The following SIRT5 variants were observed in gnomAD, a reference collection of about 807,000 sequenced individuals.
The protein encoded by SIRT5 is NAD-dependent protein deacylase sirtuin-5, mitochondrial.
Under a neutral mutation model 40.0 loss-of-function variants are expected in SIRT5, and 26 were observed. The observed-to-expected ratio is 0.65, with a 90% CI of 0.48 to 0.90. The LOEUF (loss-of-function observed/expected upper bound fraction) is 0.90. Among genes scored for constraint, SIRT5 ranks in the 40% least tolerant of loss-of-function variants. The pLI is 0.00. For synonymous variants in SIRT5, 146 were observed against 149.1 expected (o/e 0.98, Z 0.15); for missense variants, 401 against 402.4 (o/e 1.00, Z 0.03).
intron 3 of SIRT5, chr6:13,585,097 C>A (rs1258219778): frequency 6.6e-6 from 1 of 152,260 alleles, no homozygotes; most frequent in Admixed American, 6.5e-5. Flanking sequence ...CAAAAACAAG[C>A]AGCCTATCTC....
chr6:13,591,754 A>C lies in SIRT5; in HGVS notation c.335A>C (p.Lys112Thr), dbSNP rs375984507. ...TACCGGCGGGAGGTCATGGGGAGCA[A>C]GGAGCCCAACGCCGGGCACCGCGCC... ...YHYRREVMGS[K>T]EPNAGHRAIA... The change falls in exon 5 of 10, where the codon AAG becomes ACG. Residue 112 changes from lysine (K) to threonine (T), a missense_variant. Physicochemically the swap from Lys to Thr is moderately conservative, Grantham distance 78. Coordinates refer to ENST00000606117, the MANE Select transcript of SIRT5 (RefSeq NM_012241.5). 1 of 1,613,280 alleles carries C rather than the reference A, an allele frequency of 6.2e-7. No homozygotes were observed. Among genetic ancestry groups the C allele is most frequent in the Non-Finnish European group, 8.5e-7 (1 of 1,179,524 alleles).
intron 2 of SIRT5, among the ~76,000 whole-genome samples, chr6:13,580,419 G>A (rs746114648): frequency 6.6e-6 from 1 of 151,958 alleles, no homozygotes; most frequent in East Asian, 1.9e-4. Flanking sequence ...GTAATTTTAC[G>A]TTGCTCTAAA....
intron 2 of SIRT5, among the ~76,000 whole-genome samples, chr6:13,579,913 C>T (rs1759111673): frequency 6.6e-6 from 1 of 152,214 alleles, no homozygotes. Flanking sequence ...ACTGAGTTTT[C>T]CAGGTAAATT....
At chr6:13,582,236 T>C (rs1759441182) in intron 2 of SIRT5, among the ~76,000 whole-genome samples, 1 of 152,222 alleles carries the variant, frequency 6.6e-6, no homozygotes, top group Non-Finnish European at 1.5e-5. Context: ...TTTCCCACCC[T>C]ATACTCAATT....
At chr6:13,597,074 A>G in intron 7 of SIRT5, 58 bp downstream of exon 7, 1 of 1,323,662 alleles carries the variant, frequency 7.6e-7, no homozygotes, top group Non-Finnish European at 1.1e-6. Context: ...AAAAAAAAAA[A>G]CAGACATCAA....
chr6:13,579,788 G>A (rs968339662), intron 2 of SIRT5, among the ~76,000 whole-genome samples, 179 bp downstream of exon 2: 6 of 152,066 alleles, frequency 3.9e-5, no homozygotes, highest in African/African-American at 1.4e-4. Context: ...ATTGAAGCTG[G>A]GTGATAAGAA....
chr6:13,580,271 G>A (rs1041653575), intron 2 of SIRT5, among the ~76,000 whole-genome samples: 2 of 152,106 alleles, frequency 1.3e-5, no homozygotes, highest in African/African-American at 2.4e-5. Context: ...GAAGAGACAG[G>A]ATACATTGAA....
chr6:13,586,104 T>C (rs924467548), intron 3 of SIRT5, among the ~76,000 whole-genome samples: 8 of 152,222 alleles, frequency 5.3e-5, no homozygotes, highest in African/African-American at 1.9e-4. Flanking sequence ...GTGTTTTTCT[T>C]GTAAATTTGT....
intron 9 of SIRT5, chr6:13,605,542 G>T: frequency 2.0e-6 from 2 of 985,414 alleles, no homozygotes; most frequent in Non-Finnish European, 2.4e-6. Context: ...TACACAAGTT[G>T]TTCAGATTCT....
intron 6 of SIRT5, among the ~76,000 whole-genome samples, chr6:13,596,447 C>T (rs1194316613): frequency 6.6e-6 from 1 of 152,014 alleles, no homozygotes; most frequent in Non-Finnish European, 1.5e-5. Flanking sequence ...CACTCCAGCC[C>T]TCCCCACACA....
In SIRT5 at chr6:13,614,409, G is replaced by T. The variant is rs915883476; in HGVS notation, c.*2544G>T. On this transcript the variant is annotated 3_prime_UTR_variant, in exon 10 of 10. Transcript: ENST00000606117. ...GCTGCGGCAGTAGAGGGAAGAGCAC[G>T]GTCGGTACAAATGCATGGCAGGTGT... 7.9e-5 allele frequency: 12 copies of T among 152,232 alleles called. No homozygotes were observed. The highest frequency in any genetic ancestry group is 2.1e-4 in the South Asian group (1 of 4,836). 9.4% of individuals were successfully genotyped at this position (152,232 alleles called of 1,614,324 possible). A position where few individuals can be genotyped will look rare whatever the true frequency, so the allele number is the denominator to read the frequency against.
At chr6:13,600,101 C>T (rs1416629362) in intron 8 of SIRT5, among the ~76,000 whole-genome samples, 1 of 152,206 alleles carries the variant, frequency 6.6e-6, no homozygotes, top group African/African-American at 2.4e-5. Flanking sequence ...AGATAGAAAT[C>T]TTAGCATGCT....
intron 9 of SIRT5, among the ~76,000 whole-genome samples, chr6:13,608,904 C>T (rs1448491807): frequency 3.3e-5 from 5 of 151,598 alleles, no homozygotes; most frequent in Non-Finnish European, 5.9e-5. Context: ...TCACTGCAAC[C>T]TCTGCCTCCC....
intron 9 of SIRT5, among the ~76,000 whole-genome samples, chr6:13,601,601 A>C (rs543556801): frequency 6.6e-6 from 1 of 152,256 alleles, no homozygotes; most frequent in Admixed American, 6.5e-5. Flanking sequence ...TAAGTAGTAA[A>C]TTAATATAAA....
At chr6:13,591,640 C>T in intron 4 of SIRT5, 29 bp from the exon 5 acceptor site, 1 of 1,489,364 alleles carries the variant, frequency 6.7e-7, no homozygotes, top group Non-Finnish European at 9.0e-7. Flanking sequence ...CTCTGCCTCC[C>T]TCACTCCTGC....
At chr6:13,611,734 C>A in intron 9 of SIRT5, 56 bp from the exon 10 acceptor site, 1 of 1,210,572 alleles carries the variant, frequency 8.3e-7, no homozygotes, top group Non-Finnish European at 1.2e-6. Flanking sequence ...TGAAGTAGGG[C>A]ATTCATTTTG....
intron 3 of SIRT5, 123 bp from the exon 4 acceptor site, chr6:13,588,208 A>C (rs1760330154): frequency 8.1e-7 from 1 of 1,238,250 alleles, no homozygotes; most frequent in Non-Finnish European, 1.1e-6. Flanking sequence ...TGGTACAGGA[A>C]TGATGTTTGT....
At chr6:13,596,015 A>G (rs1304624246) in intron 6 of SIRT5, among the ~76,000 whole-genome samples, 1 of 152,168 alleles carries the variant, frequency 6.6e-6, no homozygotes, top group Non-Finnish European at 1.5e-5. Context: ...ACAAACAAAA[A>G]AACTAAATAT....
At chr6:13,590,870 A>G (rs1760791688) in intron 4 of SIRT5, among the ~76,000 whole-genome samples, 1 of 147,900 alleles carries the variant, frequency 6.8e-6, no homozygotes, top group Non-Finnish European at 1.5e-5. Flanking sequence ...GTGTATGTAG[A>G]CGTGTGTAGT....
Sources: allele counts gnomAD v4.1 joint callset (sites outside exome capture counted in the v4.1 genomes callset), GRCh38; gene constraint gnomAD v4.1.1; transcripts MANE v1.5; gene names NCBI Gene and HGNC (gene_info 2026-07-23, HGNC 2026-07-21).